SLC30A9: variants seen among roughly 807,000 people sequenced by gnomAD.
The protein encoded by SLC30A9 is solute carrier family 30 member 9, also known as proton-coupled zinc antiporter SLC30A9, mitochondrial.
A neutral mutation model predicts 87.5 loss-of-function variants in SLC30A9; 58 were observed. That is an observed-to-expected ratio of 0.66 (90% CI 0.54 to 0.82). The LOEUF (loss-of-function observed/expected upper bound fraction) is 0.82. Among genes scored for constraint, SLC30A9 ranks in the 40% least tolerant of loss-of-function variants. SLC30A9 has a pLI of 0.00. For synonymous variants in SLC30A9, 234 were observed against 233.0 expected, an observed-to-expected ratio of 1.00 and a Z score of -0.04; for missense variants, 557 against 679.1, an observed-to-expected ratio of 0.82 and a Z score of 2.00.
At chr4:42,070,796 T>C (rs578052336) in intron 15 of SLC30A9, 105 bp downstream of exon 15, 1 of 856,378 alleles carries the variant, frequency 1.2e-6, no homozygotes. Flanking sequence ...ATTCCTCGTC[T>C]TCAGAACGTT....
At chr4:42,018,988 A>G (rs1254988102) in intron 3 of SLC30A9, among the ~76,000 whole-genome samples, 1 of 132,822 alleles carries the variant, frequency 7.5e-6, no homozygotes, top group East Asian at 2.5e-4. Context: ...ACTCACGCAA[A>G]AAAAAAATCT....
chr4:42,076,961 C>CAAAA (rs36152706), intron 16 of SLC30A9, among the ~76,000 whole-genome samples: 9,280 of 29,228 alleles, frequency 0.32, 513 homozygotes, highest in African/African-American at 0.37. Flanking sequence ...GACTCCGTCT[C>CAAAA]AAAAAAAAAA....
At chr4:42,065,220 GT>G (rs948479971) in intron 11 of SLC30A9, 89 bp from the exon 12 acceptor site, 16 of 737,510 alleles carry the variant, frequency 2.2e-5, no homozygotes, top group Non-Finnish European at 3.4e-5. Flanking sequence ...TTGAATTCGT[GT>G]TTTTGTTTTA....
chr4:42,086,237 T>G lies in SLC30A9; in HGVS notation c.*111T>G. 1 of 530,936 alleles carries G rather than the reference T, an allele frequency of 1.9e-6. No homozygotes were observed. The highest frequency in any genetic ancestry group is 3.3e-6 in the Non-Finnish European group (1 of 303,390). The allele number at this position is 530,936 out of a possible 1,614,324, so 32.9% of individuals were successfully genotyped here. A position where few individuals can be genotyped will look rare whatever the true frequency, so the allele number is the denominator to read the frequency against. ...AAAGACTCAGTGCCATGCAGAAGCC[T>G]TTTTTTTAAGATGAAGGAAATATTT... On this transcript the variant is annotated 3_prime_UTR_variant, in exon 18 of 18. Coordinates refer to ENST00000264451, the MANE Select transcript of SLC30A9 (RefSeq NM_006345.4).
At chr4:42,010,219 A>G (rs1358870996) in intron 2 of SLC30A9, among the ~76,000 whole-genome samples, 1 of 152,166 alleles carries the variant, frequency 6.6e-6, no homozygotes, top group Non-Finnish European at 1.5e-5. Context: ...TCACACCTGT[A>G]ATCTAGCACT....
At chr4:42,009,918 C>A (rs1715369663) in intron 2 of SLC30A9, among the ~76,000 whole-genome samples, 1 of 152,140 alleles carries the variant, frequency 6.6e-6, no homozygotes, top group Non-Finnish European at 1.5e-5. Flanking sequence ...TCCTCTCTGC[C>A]CTGCTCTCTG....
chr4:42,075,957 C>T (rs114095078), intron 16 of SLC30A9, among the ~76,000 whole-genome samples, 171 bp downstream of exon 16: 2,964 of 152,168 alleles, frequency 0.019, 102 homozygotes, highest in African/African-American at 0.068. Context: ...TCAGAGGAGA[C>T]AGCAAAAGAA....
At chr4:42,038,491 C>A (rs1716781378) in intron 7 of SLC30A9, among the ~76,000 whole-genome samples, 1 of 152,132 alleles carries the variant, frequency 6.6e-6, no homozygotes, top group South Asian at 2.1e-4. Context: ...AACATACATT[C>A]TGTTTGTTAT....
chr4:42,052,132 A>G (rs2153138751), intron 9 of SLC30A9, among the ~76,000 whole-genome samples: 1 of 152,180 alleles, frequency 6.6e-6, no homozygotes, highest in South Asian at 2.1e-4. Context: ...CAGCAAATAA[A>G]TGGGGAAGGA....
intron 1 of SLC30A9, among the ~76,000 whole-genome samples, chr4:42,000,168 A>G (rs2660331): frequency 0.64 from 96,873 of 151,990 alleles, 35,611 homozygotes; most frequent in East Asian, 0.96. Context: ...AGGACTTTTA[A>G]ACTGTGGAGT....
intron 2 of SLC30A9, among the ~76,000 whole-genome samples, 198 bp from the exon 3 acceptor site, chr4:42,017,913 T>C (rs1237248922): frequency 6.6e-6 from 1 of 152,156 alleles, no homozygotes; most frequent in African/African-American, 2.4e-5. Context: ...GATTGTATAG[T>C]TTCTCTTCTT....
At chr4:42,043,846 G>T (rs1717023340) in intron 8 of SLC30A9, among the ~76,000 whole-genome samples, 2 of 152,206 alleles carry the variant, frequency 1.3e-5, no homozygotes, top group African/African-American at 4.8e-5. Flanking sequence ...ACAAAGGGAA[G>T]CCCACCAGAC....
chr4:42,039,276 G>A (rs1371731128), intron 8 of SLC30A9, among the ~76,000 whole-genome samples: 1 of 152,112 alleles, frequency 6.6e-6, no homozygotes, highest in African/African-American at 2.4e-5. Flanking sequence ...TTTTGATGTA[G>A]TTAGATCTAA....
At chr4:42,052,686 G>C (rs1325127290) in intron 9 of SLC30A9, among the ~76,000 whole-genome samples, 1 of 152,148 alleles carries the variant, frequency 6.6e-6, no homozygotes, top group Admixed American at 6.5e-5. Context: ...GGATCCATAT[G>C]GGGAGAAAAA....
At chr4:42,018,040 TA>T in intron 2 of SLC30A9, 70 bp from the exon 3 acceptor site, 1 of 820,366 alleles carries the variant, frequency 1.2e-6, no homozygotes, top group Non-Finnish European at 2.0e-6. Flanking sequence ...TTACATTGGC[TA>T]ATATTAATTA....
At chr4:42,029,161 G>A (rs138424689) in intron 6 of SLC30A9, 4 of 356,630 alleles carry the variant, frequency 1.1e-5, no homozygotes, top group East Asian at 7.4e-5. Flanking sequence ...GGCGTGCCCC[G>A]AAGCCACCCA....
intron 1 of SLC30A9, among the ~76,000 whole-genome samples, chr4:41,996,565 C>T (rs1714717595): frequency 6.6e-6 from 1 of 151,594 alleles, no homozygotes; most frequent in South Asian, 2.1e-4. Context: ...ATGGCAAAAT[C>T]CCATCTCTAC....
chr4:42,088,600 A>G lies in SLC30A9; in HGVS notation c.*2474A>G, dbSNP rs78387281. On this transcript the variant is annotated 3_prime_UTR_variant, in exon 18 of 18. Transcript: ENST00000264451. Reference sequence around the variant, plus strand: ...AGGGGAAGCAGTCATAGCCAGAGGAAGAGCAAGAGGCGGGGATTGGGGGTA... The same window carrying G: ...AGGGGAAGCAGTCATAGCCAGAGGAGGAGCAAGAGGCGGGGATTGGGGGTA... The G allele has an allele frequency of 5.7e-3, 875 of 152,702 alleles. 4 individuals are homozygous for G. The highest frequency in any genetic ancestry group is 0.02 in the African/African-American group (837 of 41,566). 9.5% of individuals were successfully genotyped at this position (152,702 alleles called of 1,614,324 possible). A position where few individuals can be genotyped will look rare whatever the true frequency, so the allele number is the denominator to read the frequency against.
chr4:42,021,877 AGT>A (rs372079177), intron 4 of SLC30A9, among the ~76,000 whole-genome samples: 196 of 148,184 alleles, frequency 1.3e-3, no homozygotes, highest in African/African-American at 4.8e-3. Context: ...CAGCCTCCTG[AGT>A]AACTGGGACT....
Sources: allele counts gnomAD v4.1 joint callset (sites outside exome capture counted in the v4.1 genomes callset), GRCh38; gene constraint gnomAD v4.1.1; transcripts MANE v1.5; gene names NCBI Gene and HGNC (gene_info 2026-07-23, HGNC 2026-07-21).